The following CSMD3 variants were observed in gnomAD, a reference collection of about 807,000 sequenced individuals.
The protein encoded by CSMD3 is CUB and Sushi multiple domains 3.
A neutral mutation model predicts 435.2 loss-of-function variants in CSMD3; 177 were observed. The ratio of observed to expected loss-of-function variants is 0.41; its 90% confidence interval spans 0.36 to 0.46. The LOEUF (loss-of-function observed/expected upper bound fraction) is 0.46. Among genes scored for constraint, CSMD3 ranks in the 20% least tolerant of loss-of-function variants. CSMD3 has a pLI of 0.34. For synonymous variants in CSMD3, 1,656 were observed against 1,520.5 expected (o/e 1.09, Z -2.07); for missense variants, 4,265 against 4,504.6 (o/e 0.95, Z 1.52).
chr8:112,656,097 A>T (rs2131659908), intron 18 of CSMD3, 57 bp downstream of exon 18: 2 of 930,212 alleles, frequency 2.2e-6, no homozygotes, highest in South Asian at 1.4e-5. Flanking sequence ...AAACTATAAT[A>T]ATACAAAAAG....
At chr8:112,879,177 G>A (rs1259728267) in intron 10 of CSMD3, among the ~76,000 whole-genome samples, 1 of 152,014 alleles carries the variant, frequency 6.6e-6, no homozygotes, top group African/African-American at 2.4e-5. Context: ...TCCCCAGTAA[G>A]GAATATTAAT....
intron 3 of CSMD3, among the ~76,000 whole-genome samples, chr8:113,278,374 C>T (rs1029201072): frequency 6.6e-6 from 1 of 151,696 alleles, no homozygotes; most frequent in African/African-American, 2.4e-5. Context: ...AATTCGTAAC[C>T]CTGTAGCAAT....
chr8:113,330,452 C>A (rs1379811435), intron 1 of CSMD3, among the ~76,000 whole-genome samples: 7 of 151,876 alleles, frequency 4.6e-5, no homozygotes, highest in Admixed American at 1.3e-4. Flanking sequence ...AGAATAAGTT[C>A]TGCCTTGTCA....
chr8:112,920,420 T>C (rs1259390040), intron 10 of CSMD3, among the ~76,000 whole-genome samples: 1 of 151,852 alleles, frequency 6.6e-6, no homozygotes, highest in East Asian at 1.9e-4. Context: ...CATTTAATTA[T>C]ATTCATATTT....
chr8:113,041,002 G>A (rs2087584125), intron 5 of CSMD3, among the ~76,000 whole-genome samples: 1 of 151,836 alleles, frequency 6.6e-6, no homozygotes, highest in African/African-American at 2.4e-5. Context: ...TCAGGATTTC[G>A]AGACCAGTCT....
At chr8:113,378,246 G>C (rs2094398229) in intron 1 of CSMD3, among the ~76,000 whole-genome samples, 1 of 152,122 alleles carries the variant, frequency 6.6e-6, no homozygotes, top group South Asian at 2.1e-4. Flanking sequence ...ATTATGAATA[G>C]GAAATTCAAC....
At chr8:113,139,817 T>C (rs1303910021) in intron 4 of CSMD3, among the ~76,000 whole-genome samples, 1 of 151,054 alleles carries the variant, frequency 6.6e-6, no homozygotes, top group Non-Finnish European at 1.5e-5. Context: ...AGAATCCCAC[T>C]TCAAATATAA....
intron 13 of CSMD3, among the ~76,000 whole-genome samples, chr8:112,729,506 C>G (rs1406181267): frequency 1.3e-5 from 2 of 152,076 alleles, no homozygotes; most frequent in East Asian, 3.9e-4. Context: ...TGTGGCCCCT[C>G]AAAAGATGTC....
intron 2 of CSMD3, among the ~76,000 whole-genome samples, chr8:113,290,369 GA>G (rs1233876653): frequency 2.6e-5 from 4 of 151,544 alleles, no homozygotes; most frequent in African/African-American, 9.7e-5. Flanking sequence ...AACCTTTTCA[GA>G]AAAGTTTTGA....
At chr8:113,210,801 C>T (rs2092825721) in intron 3 of CSMD3, among the ~76,000 whole-genome samples, 1 of 151,752 alleles carries the variant, frequency 6.6e-6, no homozygotes, top group South Asian at 2.1e-4. Context: ...CACTTGGACC[C>T]AGGAGACAGC....
At chr8:112,346,694 T>G (rs1825703640) in intron 40 of CSMD3, among the ~76,000 whole-genome samples, 1 of 53,532 alleles carries the variant, frequency 1.9e-5, no homozygotes, top group Admixed American at 2.1e-4. Context: ...TTTTTTTTTT[T>G]TTTGGAGAAG....
chr8:112,571,264 C>T (rs2131291456), intron 24 of CSMD3, among the ~76,000 whole-genome samples: 1 of 152,226 alleles, frequency 6.6e-6, no homozygotes, highest in Middle Eastern at 3.4e-3. Context: ...GCCTCAGCCT[C>T]CCAAAGTGCT....
At chr8:113,080,296 A>C (rs1489931042) in intron 5 of CSMD3, among the ~76,000 whole-genome samples, 1 of 152,196 alleles carries the variant, frequency 6.6e-6, no homozygotes, top group Admixed American at 6.5e-5. Flanking sequence ...TAATGTCCAT[A>C]AAAACAATTT....
chr8:112,802,359 C>T (rs896483520), intron 12 of CSMD3, among the ~76,000 whole-genome samples: 6 of 151,912 alleles, frequency 3.9e-5, no homozygotes, highest in Non-Finnish European at 8.8e-5. Flanking sequence ...CCTGTCTCTA[C>T]TTTTCTGGGG....
At chr8:112,855,776 G>A (rs2080636411) in intron 11 of CSMD3, among the ~76,000 whole-genome samples, 1 of 149,298 alleles carries the variant, frequency 6.7e-6, no homozygotes, top group African/African-American at 2.5e-5. Flanking sequence ...TGGTTAATAG[G>A]ATATGATTCC....
intron 9 of CSMD3, among the ~76,000 whole-genome samples, chr8:112,926,021 T>A (rs937401240): frequency 6.6e-6 from 1 of 152,186 alleles, no homozygotes; most frequent in Admixed American, 6.5e-5. Context: ...AACATCTCCA[T>A]CCAGGATCAC....
chr8:113,413,101 G>A (rs1368460237), intron 1 of CSMD3, among the ~76,000 whole-genome samples: 2 of 151,938 alleles, frequency 1.3e-5, no homozygotes, highest in Admixed American at 6.6e-5. Context: ...TAGATCTTTG[G>A]CCAACTTTCA....
intron 59 of CSMD3, among the ~76,000 whole-genome samples, chr8:112,275,840 G>A (rs1227488308): frequency 6.6e-6 from 1 of 152,104 alleles, no homozygotes; most frequent in Non-Finnish European, 1.5e-5. Context: ...ATGAGATTTG[G>A]TTGGGGCTAC....
At chr8:112,783,985 C>G (rs1034582471) in intron 13 of CSMD3, among the ~76,000 whole-genome samples, 2 of 151,938 alleles carry the variant, frequency 1.3e-5, no homozygotes, top group Non-Finnish European at 2.9e-5. Flanking sequence ...GATTCTAATA[C>G]AATTATAGCT....
Sources: gnomAD v4.1 joint callset for allele counts (sites outside exome capture counted in the v4.1 genomes callset) on GRCh38, gnomAD v4.1.1 for gene constraint, MANE v1.5 for transcripts, NCBI Gene and HGNC (gene_info 2026-07-23, HGNC 2026-07-21) for gene names.